The following LRRC7 variants were observed in gnomAD, a reference collection of about 807,000 sequenced individuals.
LRRC7 encodes the protein leucine-rich repeat-containing protein 7.
In LRRC7, 23 loss-of-function variants were observed where a neutral mutation model predicts 175.7. That is an observed-to-expected ratio of 0.13 (90% CI 0.09 to 0.19). The LOEUF is 0.19. Among genes scored for constraint, LRRC7 ranks in the 10% least tolerant of loss-of-function variants. LRRC7 has a pLI of 1.00. For missense variants in LRRC7, 1,354 were observed against 1,904.7 expected (o/e 0.71, Z 5.38); for synonymous variants, 685 against 680.9 (o/e 1.01, Z -0.09).
intron 2 of LRRC7, among the ~76,000 whole-genome samples, chr1:69,743,422 T>C (rs1345061718): frequency 1.3e-5 from 2 of 151,994 alleles, no homozygotes; most frequent in Non-Finnish European, 2.9e-5. Flanking sequence ...CACGGAAGAA[T>C]GCAAAGGCAT....
chr1:69,569,906 C>CAAAA (rs71071364), intron 1 of LRRC7, among the ~76,000 whole-genome samples: 3 of 87,100 alleles, frequency 3.4e-5, no homozygotes, highest in Non-Finnish European at 6.4e-5. Flanking sequence ...AAAGGAATTA[C>CAAAA]AAAAAAAAAA....
intron 7 of LRRC7, among the ~76,000 whole-genome samples, chr1:69,914,623 TAATA>T (rs1383060629): frequency 1.3e-5 from 2 of 152,206 alleles, no homozygotes; most frequent in African/African-American, 4.8e-5. Context: ...AATTTTATAA[TAATA>T]AATATTCTCA....
chr1:70,002,800 A>G (rs1655652895), intron 11 of LRRC7, among the ~76,000 whole-genome samples: 1 of 152,150 alleles, frequency 6.6e-6, no homozygotes, highest in South Asian at 2.1e-4. Context: ...ATAAATTATT[A>G]CAGTCATTAT....
intron 2 of LRRC7, among the ~76,000 whole-genome samples, chr1:69,721,416 A>G (rs1666336555): frequency 6.6e-6 from 1 of 150,998 alleles, no homozygotes; most frequent in Non-Finnish European, 1.5e-5. Context: ...TTCTGTCTCC[A>G]TAATTTTGTC....
chr1:69,620,596 T>C (rs1156971589), intron 1 of LRRC7, among the ~76,000 whole-genome samples: 2 of 152,210 alleles, frequency 1.3e-5, no homozygotes, highest in African/African-American at 4.8e-5. Context: ...TCTTGGTGTA[T>C]GTCCAGAAAT....
intron 2 of LRRC7, among the ~76,000 whole-genome samples, chr1:69,740,378 C>T (rs1357261178): frequency 6.6e-6 from 1 of 151,984 alleles, no homozygotes; most frequent in Non-Finnish European, 1.5e-5. Context: ...TATAAGGACA[C>T]CCACCCTTTC....
intron 11 of LRRC7, among the ~76,000 whole-genome samples, chr1:70,005,148 T>A (rs1655889839): frequency 6.6e-6 from 1 of 152,158 alleles, no homozygotes; most frequent in Non-Finnish European, 1.5e-5. Context: ...ATATGTTAGA[T>A]GTTATCAACC....
intron 4 of LRRC7, among the ~76,000 whole-genome samples, chr1:69,797,644 T>A (rs1675950457): frequency 6.6e-6 from 1 of 152,256 alleles, no homozygotes; most frequent in South Asian, 2.1e-4. Context: ...TAGTCCCATA[T>A]CTCTTTCCTA....
Position 69,697,420 on chromosome 1 carries a change from C to T in LRRC7, c.100+18942C>T, listed in dbSNP as rs114514856. ...GAGTAGATTCTCTGTATAGTAAGCA[C>T]TTGCAACTACTTTTCATGTTTTTTA... On this transcript the variant is annotated intron_variant, in intron 2 of 26. Transcript: ENST00000651989. 8.4e-3 allele frequency among the ~76,000 whole-genome samples: 1,285 copies of T among 152,322 alleles called. 12 individuals carry two copies. Among genetic ancestry groups the T allele is most frequent in the African/African-American group, 0.029 (1,226 of 41,560 alleles).
At chr1:69,599,318 C>A (rs1226067911) in intron 1 of LRRC7, among the ~76,000 whole-genome samples, 1 of 152,120 alleles carries the variant, frequency 6.6e-6, no homozygotes, top group East Asian at 1.9e-4. Context: ...TGCCACTTAT[C>A]TTGTTGCAAT....
chr1:69,901,526 C>T (rs1285400228), intron 7 of LRRC7, among the ~76,000 whole-genome samples: 1 of 152,120 alleles, frequency 6.6e-6, no homozygotes, highest in Non-Finnish European at 1.5e-5. Context: ...GAATGAAACC[C>T]TGCTCACAGA....
At chr1:69,917,834 A>G (rs1646766280) in intron 7 of LRRC7, among the ~76,000 whole-genome samples, 1 of 152,156 alleles carries the variant, frequency 6.6e-6, no homozygotes, top group Non-Finnish European at 1.5e-5. Flanking sequence ...TTGAGGTTGT[A>G]TTGCATATAT....
chr1:69,747,987 G>A (rs1034298116), intron 2 of LRRC7, among the ~76,000 whole-genome samples: 13 of 152,076 alleles, frequency 8.5e-5, no homozygotes, highest in African/African-American at 3.1e-4. Flanking sequence ...CTTTCACCCT[G>A]AGGGGGACAT....
At chr1:69,610,702 A>T (rs1458388757) in intron 1 of LRRC7, among the ~76,000 whole-genome samples, 1 of 152,028 alleles carries the variant, frequency 6.6e-6, no homozygotes, top group African/African-American at 2.4e-5. Context: ...GAGCACTTTT[A>T]AAAATATGCT....
In LRRC7 at chr1:70,020,994, T is replaced by A; in HGVS notation, c.1421-11T>A. ...TTAAAAAAACAATAATACTTTGGAATCTAACTGTAGATTTCCAGTCAGACA... is the reference window on the plus strand; with the variant it reads ...TTAAAAAAACAATAATACTTTGGAAACTAACTGTAGATTTCCAGTCAGACA... On this transcript the variant is annotated splice_polypyrimidine_tract_variant and intron_variant, in intron 15 of 26. Coordinates refer to ENST00000651989, the MANE Select transcript of LRRC7 (RefSeq NM_001370785.2). 1 of 1,594,326 alleles carries A rather than the reference T, an allele frequency of 6.3e-7. No individual in the cohort carries two copies. Among genetic ancestry groups the A allele is most frequent in the South Asian group, 1.2e-5 (1 of 86,888 alleles).
chr1:70,089,606 C>T (rs772468141), intron 24 of LRRC7, 121 bp from the exon 25 acceptor site: 8 of 626,452 alleles, frequency 1.3e-5, no homozygotes, highest in Non-Finnish European at 2.2e-5. Context: ...TGTATCAACT[C>T]AACATAGGCT....
chr1:69,869,590 G>C (rs935943226), intron 7 of LRRC7, among the ~76,000 whole-genome samples: 9 of 152,038 alleles, frequency 5.9e-5, no homozygotes, highest in African/African-American at 2.2e-4. Flanking sequence ...GAAACTATGA[G>C]AGCCCATCCT....
At chr1:69,893,052 T>A (rs1570538969) in intron 7 of LRRC7, among the ~76,000 whole-genome samples, 1 of 152,274 alleles carries the variant, frequency 6.6e-6, no homozygotes, top group African/African-American at 2.4e-5. Flanking sequence ...TCTTGAGGTG[T>A]TTTTCATTTT....
chr1:69,927,713 A>T (rs1049762518), intron 7 of LRRC7, among the ~76,000 whole-genome samples: 1 of 151,434 alleles, frequency 6.6e-6, no homozygotes, highest in Non-Finnish European at 1.5e-5. Context: ...ATTCATCTAA[A>T]TTTTTTTCAA....
Sources: allele counts gnomAD v4.1 joint callset (sites outside exome capture counted in the v4.1 genomes callset), GRCh38; gene constraint gnomAD v4.1.1; transcripts MANE v1.5; gene names NCBI Gene and HGNC (gene_info 2026-07-23, HGNC 2026-07-21).